Variants in MEIS2 observed in about 807,000 individuals in gnomAD.
MEIS2 encodes homeobox protein Meis2.
MEIS2 carries 9 observed loss-of-function variants against 58.6 expected under a neutral mutation model. That is an observed-to-expected ratio of 0.15 (90% CI 0.09 to 0.27). The LOEUF (loss-of-function observed/expected upper bound fraction) is 0.27, where lower values mean the gene tolerates loss of function less well. Ranked by LOEUF, MEIS2 falls within the 10% of genes least tolerant of loss-of-function variation. MEIS2 has a pLI of 1.00. For synonymous variants in MEIS2, 221 were observed against 228.4 expected (o/e 0.97, Z 0.29); for missense variants, 427 against 635.0 (o/e 0.67, Z 3.52).
chr15:36,935,948 A>G (rs994856845), intron 9 of MEIS2, among the ~76,000 whole-genome samples: 1 of 152,186 alleles, frequency 6.6e-6, no homozygotes. Context: ...ATTATTTTAC[A>G]TTATGAATTC....
chr15:36,926,233 A>G (rs990451989), intron 9 of MEIS2, among the ~76,000 whole-genome samples: 1 of 151,874 alleles, frequency 6.6e-6, no homozygotes, highest in Non-Finnish European at 1.5e-5. Context: ...TGCATACAAC[A>G]TTAAAGCAGA....
rs937341438 is a variant in MEIS2 at position 37,033,142 on chromosome 15, T to C, written c.900+3672A>G. 3.9e-5 allele frequency among the ~76,000 whole-genome samples: 6 copies of C among 152,310 alleles called. No individual in the cohort carries two copies. The South Asian group carries it at 6.2e-4, about 16-fold the overall frequency. On this transcript the variant is annotated intron_variant, in intron 8 of 11. Transcript: ENST00000561208. ...TTGGCCTTTGTTGAGGTAGGTTTTT[T>C]TCCACCTCTGGGCCTTTTGAGGTAT...
At chr15:37,009,182 G>C (rs567445333) in intron 8 of MEIS2, among the ~76,000 whole-genome samples, 3 of 152,176 alleles carry the variant, frequency 2.0e-5, no homozygotes, top group South Asian at 4.1e-4. Context: ...CCAGCTACTC[G>C]GGAGGCTGAG....
At chr15:37,021,370 T>G (rs1005866699) in intron 8 of MEIS2, among the ~76,000 whole-genome samples, 5 of 152,152 alleles carry the variant, frequency 3.3e-5, no homozygotes, top group Admixed American at 2.6e-4. Flanking sequence ...TGTTGACTTT[T>G]AAGCCACTCC....
chr15:37,043,820 T>C (rs2062547456), intron 7 of MEIS2, among the ~76,000 whole-genome samples: 1 of 151,836 alleles, frequency 6.6e-6, no homozygotes, highest in Non-Finnish European at 1.5e-5. Flanking sequence ...CCCGAGTAGC[T>C]AGGATTACAG....
At chr15:37,051,920 T>C (rs983493853) in intron 7 of MEIS2, among the ~76,000 whole-genome samples, 10 of 151,952 alleles carry the variant, frequency 6.6e-5, no homozygotes, top group African/African-American at 2.2e-4. Context: ...ACAAAAAATA[T>C]CTCCATTGTT....
intron 7 of MEIS2, among the ~76,000 whole-genome samples, chr15:37,081,465 A>T (rs1444443176): frequency 2.6e-5 from 4 of 152,168 alleles, no homozygotes; most frequent in Non-Finnish European, 5.9e-5. Flanking sequence ...ACTCTGGACA[A>T]TTCGGTGGGA....
chr15:36,926,423 G>A (rs1241050504), intron 9 of MEIS2, among the ~76,000 whole-genome samples: 1 of 152,132 alleles, frequency 6.6e-6, no homozygotes, highest in Non-Finnish European at 1.5e-5. Context: ...CAACCCACAC[G>A]ACTCTGGTGG....
intron 7 of MEIS2, among the ~76,000 whole-genome samples, chr15:37,040,020 A>G (rs1301130866): frequency 1.3e-5 from 2 of 151,296 alleles, no homozygotes; most frequent in African/African-American, 4.9e-5. Flanking sequence ...CTGATGCTAG[A>G]GTTAGTAACT....
intron 8 of MEIS2, among the ~76,000 whole-genome samples, chr15:36,971,108 G>C (rs945005266): frequency 6.6e-6 from 1 of 151,864 alleles, no homozygotes; most frequent in African/African-American, 2.4e-5. Flanking sequence ...GGGCTTGGGG[G>C]GGTGGGGGAT....
intron 8 of MEIS2, among the ~76,000 whole-genome samples, chr15:37,017,078 A>G (rs1428846411): frequency 6.6e-6 from 1 of 152,304 alleles, no homozygotes; most frequent in Middle Eastern, 3.4e-3. Flanking sequence ...ATCTAGTTTT[A>G]TTAGGGCAAA....
intron 8 of MEIS2, among the ~76,000 whole-genome samples, chr15:36,973,563 A>G (rs997820175): frequency 6.6e-6 from 1 of 152,224 alleles, no homozygotes; most frequent in African/African-American, 2.4e-5. Flanking sequence ...AAAAGAAAAC[A>G]TGAGTGAATA....
rs539130896 is a variant in MEIS2 at position 37,041,921 on chromosome 15, A to G, written c.755-4962T>C. Reference sequence around the variant, plus strand: ...GCTTGGCATGGTGGCTCATGCCTGTAATCCCAGCACTTTGAGAGGCCTGTT... The same window carrying G: ...GCTTGGCATGGTGGCTCATGCCTGTGATCCCAGCACTTTGAGAGGCCTGTT... On this transcript the variant is annotated intron_variant, in intron 7 of 11. Transcript: ENST00000561208. Among the ~76,000 whole-genome samples, 6 of 152,306 alleles carry G rather than the reference A, an allele frequency of 3.9e-5. No homozygotes were observed. In the South Asian group the frequency reaches 8.3e-4, roughly 21 times the overall value.
In MEIS2 at chr15:37,099,730, TCCTCCTCCCCCCTCC is replaced by T. The variant is rs2140106258; in HGVS notation, c.-279_-265del. The T allele has an allele frequency of 2.6e-6, 1 of 388,004 alleles. No homozygotes were observed. Among genetic ancestry groups the T allele is most frequent in the Non-Finnish European group, 4.6e-6 (1 of 217,872 alleles). The allele number at this position is 388,004 out of a possible 1,614,324, so 24.0% of individuals were successfully genotyped here. On this transcript the variant is annotated 5_prime_UTR_variant, in exon 1 of 12. Transcript: ENST00000561208. ...ATCTTCCTCCTCCTCCTCCACCTCC[TCCTCCTCCCCCCTCC>T]CCTCCTCCTCCTCTTCGGTCCTCCT...
intron 8 of MEIS2, among the ~76,000 whole-genome samples, chr15:37,023,812 C>T (rs551170706): frequency 6.6e-6 from 1 of 151,976 alleles, no homozygotes; most frequent in South Asian, 2.1e-4. Flanking sequence ...TTTTTCCTGA[C>T]CTCCCTCAGC....
intron 7 of MEIS2, among the ~76,000 whole-genome samples, chr15:37,048,452 T>A (rs1007221305): frequency 3.3e-5 from 5 of 152,084 alleles, no homozygotes; most frequent in African/African-American, 9.7e-5. Flanking sequence ...AAATTTGCTA[T>A]CTAAAACAAA....
chr15:36,966,050 C>CA (rs1364011084), intron 8 of MEIS2, among the ~76,000 whole-genome samples: 16 of 152,172 alleles, frequency 1.1e-4, no homozygotes, highest in African/African-American at 3.9e-4. Flanking sequence ...GCAATCAAGC[C>CA]AGGCTAATTT....
chr15:36,985,679 C>T (rs577819421), intron 8 of MEIS2, among the ~76,000 whole-genome samples: 50 of 152,298 alleles, frequency 3.3e-4, no homozygotes, highest in African/African-American at 1.2e-3. Flanking sequence ...TGTTAACATC[C>T]CCCTACTTTC....
chr15:36,998,502 T>A (rs2060609446), intron 8 of MEIS2, among the ~76,000 whole-genome samples: 1 of 152,156 alleles, frequency 6.6e-6, no homozygotes, highest in Admixed American at 6.5e-5. Flanking sequence ...ATTACAGACA[T>A]GAGCCCCAGT....
Sources: allele counts gnomAD v4.1 joint callset (sites outside exome capture counted in the v4.1 genomes callset), GRCh38; gene constraint gnomAD v4.1.1; transcripts MANE v1.5; gene names NCBI Gene and HGNC (gene_info 2026-07-23, HGNC 2026-07-21).